The following RBFOX3 variants were observed in gnomAD, a reference collection of about 807,000 sequenced individuals.
RBFOX3 encodes the protein RNA binding protein fox-1 homolog 3.
Under a neutral mutation model 48.7 loss-of-function variants are expected in RBFOX3, and 17 were observed. That is an observed-to-expected ratio of 0.35 (90% CI 0.24 to 0.52). The LOEUF (loss-of-function observed/expected upper bound fraction) is 0.52. RBFOX3 is among the 20% of genes least tolerant of loss of function. The probability of loss-of-function intolerance (pLI) is 0.94; values close to 1 mark genes in which losing one functional copy is unlikely to be tolerated. For synonymous variants in RBFOX3, 212 were observed against 209.5 expected (o/e 1.01, Z -0.10); for missense variants, 382 against 497.5 (o/e 0.77, Z 2.21).
At chr17:79,219,056 G>C (rs527252912) in intron 4 of RBFOX3, among the ~76,000 whole-genome samples, 1 of 152,342 alleles carries the variant, frequency 6.6e-6, no homozygotes, top group Non-Finnish European at 1.5e-5. Flanking sequence ...CTTGGTGTGG[G>C]CCCCACAGGC....
chr17:79,440,486 G>A (rs1348712375), intron 2 of RBFOX3, among the ~76,000 whole-genome samples: 2 of 152,134 alleles, frequency 1.3e-5, no homozygotes, highest in Admixed American at 1.3e-4. Flanking sequence ...GCCCAGACCA[G>A]GGGAGCCGAA....
chr17:79,290,182 A>G (rs563079832), intron 3 of RBFOX3, among the ~76,000 whole-genome samples: 1 of 151,996 alleles, frequency 6.6e-6, no homozygotes, highest in Admixed American at 6.6e-5. Flanking sequence ...TGGAAGGGGA[A>G]CCTTCTCAAG....
rs2064090089 is a variant in RBFOX3 at position 79,252,300 on chromosome 17, C to T, written c.-73-16495G>A. 6.6e-6 allele frequency among the ~76,000 whole-genome samples: 1 copy of T among 152,226 alleles called. No individual in the cohort carries two copies. Among genetic ancestry groups the T allele is most frequent in the South Asian group, 2.1e-4 (1 of 4,830 alleles). ...CCTGTGGGTCCAACCTTTTGCTTCC[C>T]TTGATGTCTCCCAGACTGCTCTGTC... On this transcript the variant is annotated intron_variant, in intron 3 of 14. Transcript: ENST00000693108. The surrounding 1 kb of genome is among the most constrained non-coding windows in gnomAD (Gnocchi z 4.0).
intron 2 of RBFOX3, among the ~76,000 whole-genome samples, chr17:79,463,637 A>G (rs1329548675): frequency 1.4e-5 from 2 of 145,452 alleles, no homozygotes; most frequent in African/African-American, 2.6e-5. Context: ...CGCCACTGCC[A>G]CCGCCACCTC....
chr17:79,313,044 C>T (rs2077063817), intron 2 of RBFOX3, among the ~76,000 whole-genome samples: 1 of 152,214 alleles, frequency 6.6e-6, no homozygotes, highest in Non-Finnish European at 1.5e-5. Context: ...GCTGGCAGAG[C>T]TGGGACCCAA....
chr17:79,506,611 A>C (rs2083172400), intron 1 of RBFOX3, among the ~76,000 whole-genome samples: 2 of 152,188 alleles, frequency 1.3e-5, no homozygotes, highest in South Asian at 4.1e-4. Context: ...ATGGCGAGGA[A>C]AGAGCCAAGG....
intron 1 of RBFOX3, among the ~76,000 whole-genome samples, chr17:79,583,341 C>T (rs984778290): frequency 2.0e-5 from 3 of 152,134 alleles, no homozygotes; most frequent in African/African-American, 4.8e-5. Context: ...AGAGAGTGAG[C>T]GCCACGGCAG....
At chr17:79,562,852 G>A (rs892433769) in intron 1 of RBFOX3, among the ~76,000 whole-genome samples, 175 of 152,328 alleles carry the variant, frequency 1.1e-3, no homozygotes, top group African/African-American at 4.2e-3. Flanking sequence ...GCCCAGGTAA[G>A]GGGCTCGTAC....
At chr17:79,384,109 C>T (rs912365534) in intron 2 of RBFOX3, among the ~76,000 whole-genome samples, 2 of 152,164 alleles carry the variant, frequency 1.3e-5, no homozygotes, top group Non-Finnish European at 2.9e-5. Context: ...ACACCTACAG[C>T]GGGCTCAGGG....
chr17:79,534,641 C>G (rs1231849401), intron 1 of RBFOX3, among the ~76,000 whole-genome samples: 2 of 152,184 alleles, frequency 1.3e-5, no homozygotes, highest in African/African-American at 2.4e-5. Context: ...AAAGGTGTTC[C>G]TGGGGGTAGA....
intron 1 of RBFOX3, among the ~76,000 whole-genome samples, chr17:79,491,629 G>A (rs1004558621): frequency 6.6e-6 from 1 of 152,104 alleles, no homozygotes; most frequent in Non-Finnish European, 1.5e-5. Flanking sequence ...ATAAATAGGG[G>A]GCCAGTTTGT....
At chr17:79,488,496 C>A (rs1555770871) in intron 1 of RBFOX3, among the ~76,000 whole-genome samples, 1 of 152,210 alleles carries the variant, frequency 6.6e-6, no homozygotes, top group Non-Finnish European at 1.5e-5. Flanking sequence ...CCATTCTCTG[C>A]AACAGCCTGA....
chr17:79,157,319 C>T (rs2046032890), intron 4 of RBFOX3, among the ~76,000 whole-genome samples: 1 of 152,214 alleles, frequency 6.6e-6, no homozygotes, highest in Non-Finnish European at 1.5e-5. Context: ...GCCAAGAGCC[C>T]ACAGTTGTCC....
rs947294020 is a variant in RBFOX3, at chr17:79,250,984, T to C, written c.-73-15179A>G. Among the ~76,000 whole-genome samples, 13 of 152,084 alleles carry C rather than the reference T, an allele frequency of 8.5e-5. 1 individual carries two copies. The highest frequency in any genetic ancestry group is 3.1e-4 in the African/African-American group (13 of 41,394). On this transcript the variant is annotated intron_variant, in intron 3 of 14. Coordinates refer to ENST00000693108, the MANE Select transcript of RBFOX3 (RefSeq NM_001350451.2). ...CCACCAAGCCCGGCTAATTTTTGTA[T>C]TTTTAGTAGAGACGGGGTTTCACCA... is the stretch of plus-strand genomic sequence containing the variant.
Position 79,369,812 on chromosome 17 carries a change from T to G in RBFOX3, c.-174-61988A>C, listed in dbSNP as rs374222352. Among the ~76,000 whole-genome samples the G allele has an allele frequency of 2.0e-3, 312 of 152,230 alleles. 1 individual carries two copies. Among genetic ancestry groups the G allele is most frequent in the South Asian group, 0.014 (67 of 4,814 alleles). On this transcript the variant is annotated intron_variant, in intron 2 of 14. Coordinates refer to ENST00000693108, the MANE Select transcript of RBFOX3 (RefSeq NM_001350451.2). ...ATCTGCCCGCCCTGATGGATGGAGATTTGGTCAAACATCTGAGTGTCTATC... is the reference window on the plus strand; with the variant it reads ...ATCTGCCCGCCCTGATGGATGGAGAGTTGGTCAAACATCTGAGTGTCTATC...
intron 4 of RBFOX3, among the ~76,000 whole-genome samples, chr17:79,216,522 G>A (rs180739918): frequency 4.3e-4 from 65 of 152,222 alleles, no homozygotes; most frequent in Middle Eastern, 3.4e-3. Flanking sequence ...GTGAGAGGAG[G>A]GAGATGAGGA....
chr17:79,099,497 G>A (rs1036748634), intron 9 of RBFOX3: 1 of 152,240 alleles, frequency 6.6e-6, no homozygotes, highest in African/African-American at 2.4e-5. Context: ...GAAGGCCCAT[G>A]ATGGAGCAGA....
intron 2 of RBFOX3, among the ~76,000 whole-genome samples, chr17:79,445,201 G>A (rs185495198): frequency 1.2e-3 from 178 of 152,322 alleles, no homozygotes; most frequent in Non-Finnish European, 2.2e-3. Context: ...GAATGGCGCT[G>A]CTGGGAACAC....
intron 2 of RBFOX3, among the ~76,000 whole-genome samples, chr17:79,387,353 C>A (rs1017511421): frequency 9.9e-5 from 15 of 152,240 alleles, no homozygotes; most frequent in Non-Finnish European, 2.2e-4. Context: ...ATTATTCTAA[C>A]AACTCACAGG....
Sources: gnomAD v4.1 joint callset for allele counts (sites outside exome capture counted in the v4.1 genomes callset) on GRCh38, gnomAD v4.1.1 for gene constraint, Gnocchi (gnomAD v3.1) non-coding constraint, MANE v1.5 for transcripts, NCBI Gene and HGNC (gene_info 2026-07-23, HGNC 2026-07-21) for gene names.